The following IGSF11 variants were observed in gnomAD, a reference collection of about 807,000 sequenced individuals.
IGSF11 encodes the protein CXADR like 1.
Under a neutral mutation model 41.0 loss-of-function variants are expected in IGSF11, and 22 were observed. The ratio of observed to expected loss-of-function variants is 0.54; its 90% CI spans 0.38 to 0.77. The LOEUF (loss-of-function observed/expected upper bound fraction) is 0.77. IGSF11 is among the 30% of genes least tolerant of loss of function. The probability of loss-of-function intolerance (pLI) is 0.00; values close to 1 mark genes in which losing one functional copy is unlikely to be tolerated. For missense variants in IGSF11, 444 were observed against 530.8 expected, an observed-to-expected ratio of 0.84 and a Z score of 1.61; for synonymous variants, 219 against 201.3, an observed-to-expected ratio of 1.09 and a Z score of -0.74.
intron 1 of IGSF11, among the ~76,000 whole-genome samples, chr3:118,931,885 A>T (rs2107537155): frequency 6.6e-6 from 1 of 152,180 alleles, no homozygotes; most frequent in South Asian, 2.1e-4. Flanking sequence ...GGCGCCCGCC[A>T]CCATGCCCAG....
At chr3:119,116,631 A>C (rs2077259285) in intron 1 of IGSF11, among the ~76,000 whole-genome samples, 1 of 152,184 alleles carries the variant, frequency 6.6e-6, no homozygotes, top group Admixed American at 6.5e-5. Context: ...CCCAAAACTC[A>C]ACTGCTTTTG....
chr3:119,022,426 G>T (rs1191205529), intron 1 of IGSF11, among the ~76,000 whole-genome samples: 1 of 152,148 alleles, frequency 6.6e-6, no homozygotes, highest in Admixed American at 6.5e-5. Context: ...TAAATGTTAT[G>T]TTATATATAT....
chr3:118,935,611 A>G (rs989129366), intron 1 of IGSF11, among the ~76,000 whole-genome samples: 10 of 151,900 alleles, frequency 6.6e-5, no homozygotes, highest in Admixed American at 3.3e-4. Flanking sequence ...TTGTGGAGAG[A>G]ACTTTTAAAT....
At chr3:119,136,313 G>C (rs1215797077) in intron 1 of IGSF11, among the ~76,000 whole-genome samples, 1 of 152,058 alleles carries the variant, frequency 6.6e-6, no homozygotes, top group African/African-American at 2.4e-5. Context: ...ATCAGTTCTT[G>C]TTTATCAATA....
chr3:119,068,044 G>A (rs1942286644), intron 1 of IGSF11, among the ~76,000 whole-genome samples: 1 of 152,190 alleles, frequency 6.6e-6, no homozygotes. Flanking sequence ...CTGCATCTAA[G>A]AAACTATTAC....
At chr3:119,049,791 C>G (rs1438970121) in intron 1 of IGSF11, among the ~76,000 whole-genome samples, 2 of 150,334 alleles carry the variant, frequency 1.3e-5, no homozygotes, top group Non-Finnish European at 3.0e-5. Context: ...TTACTGGTAC[C>G]AAAACAGAGA....
intron 1 of IGSF11, among the ~76,000 whole-genome samples, chr3:119,111,116 T>A (rs556231622): frequency 6.6e-5 from 10 of 152,318 alleles, no homozygotes; most frequent in Non-Finnish European, 1.2e-4. Flanking sequence ...TCTCTGTATT[T>A]CCTGTATCTG....
intron 4 of IGSF11, among the ~76,000 whole-genome samples, chr3:118,909,889 C>G (rs1365063916): frequency 1.3e-5 from 2 of 152,164 alleles, no homozygotes; most frequent in South Asian, 2.1e-4. Flanking sequence ...AAGCTTATAG[C>G]AAATATTCAA....
chr3:118,994,013 G>T (rs774898985), intron 1 of IGSF11, among the ~76,000 whole-genome samples: 1 of 152,210 alleles, frequency 6.6e-6, no homozygotes, highest in Non-Finnish European at 1.5e-5. Flanking sequence ...AAATGTTGTG[G>T]TATATGAATT....
At chr3:118,986,889 C>T (rs534496170) in intron 1 of IGSF11, among the ~76,000 whole-genome samples, 24 of 152,180 alleles carry the variant, frequency 1.6e-4, no homozygotes, top group Non-Finnish European at 3.4e-4. Flanking sequence ...TTCTCCACAT[C>T]CCTCAGCAGA....
At chr3:119,069,715 G>GAA (rs72408580) in intron 1 of IGSF11, among the ~76,000 whole-genome samples, 1 of 147,054 alleles carries the variant, frequency 6.8e-6, no homozygotes, top group Non-Finnish European at 1.5e-5. Context: ...AGCAAAAAGG[G>GAA]AAAAAAAAAA....
intron 1 of IGSF11, among the ~76,000 whole-genome samples, chr3:118,955,325 G>T (rs534858943): frequency 6.6e-6 from 1 of 151,908 alleles, no homozygotes; most frequent in Non-Finnish European, 1.5e-5. Flanking sequence ...CAGCAACCCA[G>T]ATGGAACCGG....
upstream of IGSF11, among the ~76,000 whole-genome samples, chr3:119,035,932 G>A (rs2107743469): frequency 6.6e-6 from 1 of 151,740 alleles, no homozygotes; most frequent in East Asian, 1.9e-4. Context: ...ATCCTCCCAG[G>A]GAAACTCAGA....
intron 4 of IGSF11, among the ~76,000 whole-genome samples, chr3:118,916,318 G>A (rs1292110760): frequency 2.0e-5 from 3 of 152,124 alleles, no homozygotes; most frequent in Non-Finnish European, 2.9e-5. Context: ...TGGCGAGTTG[G>A]ATAAAGAGTC....
chr3:119,130,848 AGCAATATTTGCTGTTCT>A lies in IGSF11; in HGVS notation c.-14+14948_-14+14964del, dbSNP rs367671079. The stretch of plus-strand genomic sequence containing the variant: ...GAAGCTTCCAGAGGAAGGATCAGGA[AGCAATATTTGCTGTTCT>A]GCAATATTTGCTGTTCTGCAGCCTA... On this transcript the variant is annotated intron_variant, in intron 1 of 7. Transcript: ENST00000425327. Among the ~76,000 whole-genome samples, 216 of 152,316 alleles carry A rather than the reference AGCAATATTTGCTGTTCT, an allele frequency of 1.4e-3. 2 individuals carry two copies. The highest frequency in any genetic ancestry group is 4.4e-3 in the African/African-American group (184 of 41,566).
At chr3:119,063,794 GAAGGA>G (rs1321091351) in intron 1 of IGSF11, among the ~76,000 whole-genome samples, 1 of 152,198 alleles carries the variant, frequency 6.6e-6, no homozygotes, top group Non-Finnish European at 1.5e-5. Flanking sequence ...ACCCTAGCAA[GAAGGA>G]AAGGAAAACT....
intron 1 of IGSF11, among the ~76,000 whole-genome samples, chr3:119,060,286 T>C (rs1381011225): frequency 6.6e-6 from 1 of 152,136 alleles, no homozygotes; most frequent in Non-Finnish European, 1.5e-5. Context: ...TCAAAAGAGG[T>C]GAGGAGGGTC....
chr3:118,962,621 C>T (rs1945416517), intron 1 of IGSF11, among the ~76,000 whole-genome samples: 1 of 151,934 alleles, frequency 6.6e-6, no homozygotes. Context: ...TGAAAACGAC[C>T]AGTATGTAGC....
intron 4 of IGSF11, among the ~76,000 whole-genome samples, chr3:118,912,066 A>T (rs1446981375): frequency 6.6e-6 from 1 of 152,246 alleles, no homozygotes; most frequent in African/African-American, 2.4e-5. Context: ...AATGTTAACC[A>T]TTAATAATGA....
Sources: gnomAD v4.1 joint callset for allele counts (sites outside exome capture counted in the v4.1 genomes callset) on GRCh38, gnomAD v4.1.1 for gene constraint, MANE v1.5 for transcripts, NCBI Gene and HGNC (gene_info 2026-07-23, HGNC 2026-07-21) for gene names.